Variants in OSBPL6 observed in about 807,000 individuals in gnomAD.
OSBPL6 encodes the protein oxysterol binding protein like 6.
In OSBPL6, 49 loss-of-function variants were observed where a neutral mutation model predicts 125.8. That is an observed-to-expected ratio of 0.39 (90% CI 0.31 to 0.49). The LOEUF is 0.49. OSBPL6 is among the 20% of genes least tolerant of loss of function. The pLI, the probability that OSBPL6 is intolerant of heterozygous loss-of-function variation, is 0.88. For synonymous variants in OSBPL6, 394 were observed against 391.8 expected (o/e 1.01, Z -0.07); for missense variants, 986 against 1,135.4 (o/e 0.87, Z 1.89).
chr2:178,328,629 A>G (rs1361478360), intron 5 of OSBPL6, among the ~76,000 whole-genome samples: 2 of 152,178 alleles, frequency 1.3e-5, no homozygotes, highest in African/African-American at 4.8e-5. Flanking sequence ...CTAGGACTAC[A>G]GGTGCATGCC....
intron 2 of OSBPL6, among the ~76,000 whole-genome samples, chr2:178,302,279 A>G (rs1296580330): frequency 6.6e-6 from 1 of 152,220 alleles, no homozygotes; most frequent in East Asian, 1.9e-4. Context: ...TGTTATTTTC[A>G]GTCACAATAC....
chr2:178,355,377 T>C (rs955397286), intron 12 of OSBPL6, among the ~76,000 whole-genome samples: 1 of 151,898 alleles, frequency 6.6e-6, no homozygotes, highest in African/African-American at 2.4e-5. Context: ...AAGAGTCAAA[T>C]AGATGCAATA....
At chr2:178,308,750 A>G (rs543307452) in intron 3 of OSBPL6, among the ~76,000 whole-genome samples, 1 of 152,230 alleles carries the variant, frequency 6.6e-6, no homozygotes, top group East Asian at 1.9e-4. Context: ...TAGGTTAACA[A>G]GTCCTATTGA....
intron 1 of OSBPL6, among the ~76,000 whole-genome samples, chr2:178,236,896 C>T (rs2153985790): frequency 6.6e-6 from 1 of 152,232 alleles, no homozygotes; most frequent in South Asian, 2.1e-4. Context: ...AACTTCAGCC[C>T]CCAGCCTCCT....
intron 1 of OSBPL6, among the ~76,000 whole-genome samples, chr2:178,234,195 A>G (rs1459290464): frequency 6.6e-6 from 1 of 152,212 alleles, no homozygotes; most frequent in African/African-American, 2.4e-5. Flanking sequence ...ACTTTAGAAA[A>G]TGAAATAGTA....
At chr2:178,289,602 A>T (rs1685052495) in intron 2 of OSBPL6, among the ~76,000 whole-genome samples, 1 of 152,184 alleles carries the variant, frequency 6.6e-6, no homozygotes. Context: ...CTCATTCCAT[A>T]TTCAAATTTC....
chr2:178,275,841 A>G (rs2092458550), intron 1 of OSBPL6, among the ~76,000 whole-genome samples: 1 of 152,140 alleles, frequency 6.6e-6, no homozygotes, highest in Non-Finnish European at 1.5e-5. Flanking sequence ...CTGGACTGTT[A>G]TGAACACTTT....
intron 15 of OSBPL6, among the ~76,000 whole-genome samples, chr2:178,376,982 C>T (rs973833140): frequency 3.3e-5 from 5 of 152,142 alleles, no homozygotes; most frequent in East Asian, 1.9e-4. Context: ...GCAGATAAAC[C>T]CAAGTGACAG....
chr2:178,251,382 G>A (rs1302443628), intron 1 of OSBPL6, among the ~76,000 whole-genome samples: 4 of 141,624 alleles, frequency 2.8e-5, no homozygotes, highest in Non-Finnish European at 4.6e-5. Context: ...TTTCCTTCCC[G>A]CTCCTCTCAA....
At chr2:178,317,268 AG>A (rs1183429047) in intron 3 of OSBPL6, among the ~76,000 whole-genome samples, 1 of 151,220 alleles carries the variant, frequency 6.6e-6, no homozygotes, top group Non-Finnish European at 1.5e-5. Flanking sequence ...TAAAATTAGA[AG>A]TTAAATGAGT....
chr2:178,317,228 A>G (rs1337800125), intron 3 of OSBPL6, among the ~76,000 whole-genome samples: 1 of 151,316 alleles, frequency 6.6e-6, no homozygotes, highest in Non-Finnish European at 1.5e-5. Context: ...TTAAAATATA[A>G]TGAAATTGCA....
chr2:178,352,628 T>C (rs1559282545), intron 12 of OSBPL6, among the ~76,000 whole-genome samples: 1 of 152,172 alleles, frequency 6.6e-6, no homozygotes, highest in Non-Finnish European at 1.5e-5. Context: ...GTAAGGCCTA[T>C]TGCCTCTATA....
rs1480990937 is a variant in OSBPL6, at chr2:178,399,647, A to G, written c.*4088A>G. ...CTTACAGATAAGTGGAAAAGAACTT[A>G]CCTGTCATATGCATCCTTTTGTTTT... On this transcript the variant is annotated 3_prime_UTR_variant, in exon 25 of 25. Transcript: ENST00000190611. 2.6e-5 allele frequency: 4 copies of G among 152,252 alleles called. No individual in the cohort carries two copies. Among genetic ancestry groups the G allele is most frequent in the Non-Finnish European group, 4.4e-5 (3 of 68,036 alleles). 9.4% of individuals were successfully genotyped at this position (152,252 alleles called of 1,614,324 possible). A position where few individuals can be genotyped will look rare whatever the true frequency, so the allele number is the denominator to read the frequency against.
Position 178,361,671 on chromosome 2 carries a change from TC to T in OSBPL6, c.1154-7del, listed in dbSNP as rs1321089707. On this transcript the variant is annotated splice_polypyrimidine_tract_variant and intron_variant, in intron 12 of 24. Coordinates refer to ENST00000190611, the MANE Select transcript of OSBPL6 (RefSeq NM_032523.4). Reference sequence around the variant, plus strand: ...ATCTGACAGTTTTTTCTCACTTTTCTCCCCACCCAGTGCATTCTCTTTTGAA... The same window carrying T: ...ATCTGACAGTTTTTTCTCACTTTTCTCCCACCCAGTGCATTCTCTTTTGAA... 39 of 1,613,008 alleles carry T rather than the reference TC, an allele frequency of 2.4e-5. No individual in the cohort carries two copies. Among genetic ancestry groups the T allele is most frequent in the Admixed American group, 1.3e-4 (8 of 59,890 alleles).
chr2:178,285,701 A>C (rs1684636733), intron 2 of OSBPL6, among the ~76,000 whole-genome samples: 1 of 152,090 alleles, frequency 6.6e-6, no homozygotes, highest in African/African-American at 2.4e-5. Context: ...AGGCCTACTG[A>C]GTTTGTGGTC....
intron 15 of OSBPL6, among the ~76,000 whole-genome samples, chr2:178,379,652 A>AT (rs1326302832): frequency 6.6e-5 from 10 of 152,102 alleles, no homozygotes; most frequent in Non-Finnish European, 1.2e-4. Context: ...GTATGATTAG[A>AT]TTTTTTTCAG....
At chr2:178,228,252 A>C (rs1301446682) in intron 1 of OSBPL6, among the ~76,000 whole-genome samples, 1 of 152,178 alleles carries the variant, frequency 6.6e-6, no homozygotes, top group Admixed American at 6.5e-5. Flanking sequence ...AATTTAAGAC[A>C]CGGCCGGGCG....
intron 24 of OSBPL6, among the ~76,000 whole-genome samples, chr2:178,394,852 T>C (rs1297196983): frequency 1.3e-5 from 2 of 152,182 alleles, no homozygotes; most frequent in Non-Finnish European, 2.9e-5. Flanking sequence ...TGTGGTATGA[T>C]AGTAGGTGAT....
chr2:178,206,533 A>G (rs1283391510), intron 1 of OSBPL6, among the ~76,000 whole-genome samples: 2 of 152,192 alleles, frequency 1.3e-5, no homozygotes, highest in Non-Finnish European at 2.9e-5. Flanking sequence ...TGAATCACTT[A>G]CCATAGGGTT....
Sources: gnomAD v4.1 joint callset for allele counts (sites outside exome capture counted in the v4.1 genomes callset) on GRCh38, gnomAD v4.1.1 for gene constraint, MANE v1.5 for transcripts, NCBI Gene and HGNC (gene_info 2026-07-23, HGNC 2026-07-21) for gene names.